PDE3B: variants seen among roughly 807,000 people sequenced by gnomAD.
The protein encoded by PDE3B is cGMP-inhibited 3',5'-cyclic phosphodiesterase 3B.
Under a neutral mutation model 116.8 loss-of-function variants are expected in PDE3B, and 66 were observed. The observed-to-expected ratio is 0.56, with a 90% CI of 0.46 to 0.69. The LOEUF (loss-of-function observed/expected upper bound fraction) is 0.69. PDE3B is among the 30% of genes least tolerant of loss of function. The pLI is 0.00. For missense variants in PDE3B, 1,384 were observed against 1,368.1 expected, an observed-to-expected ratio of 1.01 and a Z score of -0.18; for synonymous variants, 595 against 533.6, an observed-to-expected ratio of 1.12 and a Z score of -1.59.
chr11:14,644,570 C>A lies in PDE3B; in HGVS notation c.495C>A (p.Asp165Glu), dbSNP rs142935352. 10,190 of 1,591,448 alleles carry A rather than the reference C, an allele frequency of 6.4e-3. 58 individuals carry two copies. The highest frequency in any genetic ancestry group is 0.01 in the South Asian group (889 of 88,388). ...LALPACCYLG[D>E]FLVWQWWSWP... Reference sequence around the variant, plus strand: ...TGCCCGCCTGCTGTTACCTGGGGGACTTCTTGGTGTGGCAGTGGTGGTCTT... The same window carrying A: ...TGCCCGCCTGCTGTTACCTGGGGGAATTCTTGGTGTGGCAGTGGTGGTCTT... The change falls in exon 1 of 16, where the codon GAC becomes GAA. Residue 165 changes from aspartate (D) to glutamate (E), a missense_variant. Physicochemically the swap from Asp to Glu is conservative, Grantham distance 45. Around this residue, in one of 2 missense-constraint regions of PDE3B, gnomAD observed 956 missense variants for 806.8 expected, o/e 1.18. Coordinates refer to ENST00000282096, the MANE Select transcript of PDE3B (RefSeq NM_000922.4).
At chr11:14,700,904 G>C (rs1855341220) in intron 1 of PDE3B, 1 of 151,732 alleles carries the variant, frequency 6.6e-6, no homozygotes, top group Non-Finnish European at 1.5e-5. Flanking sequence ...ATTACTACTT[G>C]TATATTATCC....
intron 1 of PDE3B, among the ~76,000 whole-genome samples, chr11:14,711,954 T>G (rs1023563797): frequency 6.6e-6 from 1 of 152,224 alleles, no homozygotes; most frequent in Non-Finnish European, 1.5e-5. Flanking sequence ...GCACACTGAA[T>G]ACCTAAAGTA....
chr11:14,841,858 A>G lies in PDE3B; in HGVS notation c.2321-1969A>G, dbSNP rs561325909. 1.3e-4 allele frequency among the ~76,000 whole-genome samples: 19 copies of G among 150,274 alleles called. 2 individuals are homozygous for G. The South Asian group carries it at 3.8e-3, about 30-fold the overall frequency. ...GCTGTTTTGATTACTATCGCTTTGTAATAGATTTTGAAATCAGGTAGTCTG... is the reference window on the plus strand; with the variant it reads ...GCTGTTTTGATTACTATCGCTTTGTGATAGATTTTGAAATCAGGTAGTCTG... On this transcript the variant is annotated intron_variant, in intron 11 of 15. Transcript: ENST00000282096.
At chr11:14,734,280 C>G (rs983665608) in intron 1 of PDE3B, among the ~76,000 whole-genome samples, 2 of 152,140 alleles carry the variant, frequency 1.3e-5, no homozygotes, top group Admixed American at 6.5e-5. Flanking sequence ...ACTGTGTTTC[C>G]CAGGCTGGTC....
Position 14,867,623 on chromosome 11 carries a change from T to G in PDE3B, c.3004T>G (p.Ser1002Ala), listed in dbSNP as rs782528170. ...ITHIVGPLCN[S>A]YDAAGLLPGQ... ...CCACATAGTGGGTCCCCTGTGTAAC[T>G]CCTATGATGCTGCTGGTTTGCTACC... is the stretch of plus-strand genomic sequence containing the variant. Residue 1002 changes from serine to alanine, a missense_variant, in exon 15 of 16, where the codon TCC becomes GCC. By Grantham distance (99) the Ser-to-Ala change is moderately conservative. Transcript: ENST00000282096. 7 of 1,614,054 alleles carry G rather than the reference T, an allele frequency of 4.3e-6. No homozygotes were observed. The highest frequency in any genetic ancestry group is 3.3e-5 in the South Asian group (3 of 91,074).
At chr11:14,702,756 C>G (rs1386290357) in intron 1 of PDE3B, among the ~76,000 whole-genome samples, 1 of 151,904 alleles carries the variant, frequency 6.6e-6, no homozygotes, top group Non-Finnish European at 1.5e-5. Flanking sequence ...ATAGAACACT[C>G]CAATTCAGTC....
chr11:14,783,890 C>T (rs141688458), intron 2 of PDE3B, among the ~76,000 whole-genome samples: 13 of 152,266 alleles, frequency 8.5e-5, no homozygotes, highest in African/African-American at 2.6e-4. Context: ...CAACCAGTAC[C>T]GGTCTGTGGC....
chr11:14,663,675 G>A (rs954650969), intron 1 of PDE3B, among the ~76,000 whole-genome samples: 3 of 152,214 alleles, frequency 2.0e-5, no homozygotes, highest in Non-Finnish European at 2.9e-5. Flanking sequence ...GACAAAGAAG[G>A]CCATTACATA....
chr11:14,783,875 G>A (rs1022389037), intron 2 of PDE3B, among the ~76,000 whole-genome samples: 7 of 152,130 alleles, frequency 4.6e-5, no homozygotes, highest in African/African-American at 7.2e-5. Flanking sequence ...TAAACCAGGC[G>A]TCACCAACCA....
Position 14,861,258 on chromosome 11 carries a change from C to T in PDE3B, c.2778C>T (p.Leu926=), listed in dbSNP as rs1384905930. Residue 926 remains leucine, a synonymous_variant, in exon 14 of 16, where the codon CTC becomes CTT. Transcript: ENST00000282096. The part of the protein sequence containing the change: ...GIEWSNENDR[L]LVCQVCIKLA... ...AATGGAGTAATGAAAATGATCGCCTCTTGGTATGCCAGGTGTGCATCAAAC... is the reference window on the plus strand; with the variant it reads ...AATGGAGTAATGAAAATGATCGCCTTTTGGTATGCCAGGTGTGCATCAAAC... 6.2e-7 allele frequency: 1 copy of T among 1,613,344 alleles called. No individual in the cohort carries two copies. The highest frequency in any genetic ancestry group is 2.2e-5 in the East Asian group (1 of 44,874).
intron 4 of PDE3B, among the ~76,000 whole-genome samples, chr11:14,799,934 G>A (rs901472090): frequency 5.3e-5 from 8 of 151,950 alleles, no homozygotes; most frequent in East Asian, 1.9e-4. Context: ...GCCCATTTAC[G>A]TTTAAGGTTA....
At chr11:14,657,749 G>A (rs1160850552) in intron 1 of PDE3B, among the ~76,000 whole-genome samples, 1 of 152,158 alleles carries the variant, frequency 6.6e-6, no homozygotes, top group Non-Finnish European at 1.5e-5. Flanking sequence ...GGAGTTTAAT[G>A]TAAGATAAAA....
At chr11:14,731,363 A>G (rs1352766801) in intron 1 of PDE3B, among the ~76,000 whole-genome samples, 2 of 146,914 alleles carry the variant, frequency 1.4e-5, no homozygotes, top group Non-Finnish European at 3.0e-5. Context: ...AGTTCACGCC[A>G]TTCTCCTGCC....
Position 14,680,787 on chromosome 11 carries a change from A to T in PDE3B, c.978+35734A>T, listed in dbSNP as rs540486666. On this transcript the variant is annotated intron_variant, in intron 1 of 15. Coordinates refer to ENST00000282096, the MANE Select transcript of PDE3B (RefSeq NM_000922.4). ...TAAAAATAGAAATGACTTCAAAAAA[A>T]AAAAAGGAATGGACATTTTTTACTG... Among the ~76,000 whole-genome samples, 10 of 152,198 alleles carry T rather than the reference A, an allele frequency of 6.6e-5. No homozygotes were observed. The East Asian group carries it at 1.7e-3, about 26-fold the overall frequency.
At chr11:14,678,612 T>TG (rs2133790998) in intron 1 of PDE3B, among the ~76,000 whole-genome samples, 1 of 152,290 alleles carries the variant, frequency 6.6e-6, no homozygotes, top group Admixed American at 6.5e-5. Flanking sequence ...CTGTTTTTTA[T>TG]GGGTTTATTT....
intron 1 of PDE3B, among the ~76,000 whole-genome samples, chr11:14,648,232 TAGTG>T (rs1853467819): frequency 6.6e-6 from 1 of 152,080 alleles, no homozygotes; most frequent in African/African-American, 2.4e-5. Flanking sequence ...AGGCATAAGT[TAGTG>T]TGTGAGATAT....
At chr11:14,680,374 CTTTGGTGCTG>C (rs1854665858) in intron 1 of PDE3B, among the ~76,000 whole-genome samples, 1 of 152,082 alleles carries the variant, frequency 6.6e-6, no homozygotes, top group South Asian at 2.1e-4. Context: ...TGATGTTCTC[CTTTGGTGCTG>C]TTTGGCCCCA....
chr11:14,674,633 A>G (rs1056326625), intron 1 of PDE3B: 20 of 301,102 alleles, frequency 6.6e-5, no homozygotes, highest in Non-Finnish European at 9.8e-5. Context: ...TCAGCTAACA[A>G]TCTTCTAAAG....
intron 4 of PDE3B, among the ~76,000 whole-genome samples, chr11:14,795,847 GTGTT>G (rs1252501359): frequency 2.6e-5 from 4 of 151,968 alleles, no homozygotes; most frequent in African/African-American, 9.7e-5. Context: ...GCATGTCTAA[GTGTT>G]TGAAAGCTCA....
Sources: allele counts gnomAD v4.1 joint callset (sites outside exome capture counted in the v4.1 genomes callset), GRCh38; gene constraint gnomAD v4.1.1; regional missense constraint gnomAD v4.1.1; transcripts MANE v1.5; gene names NCBI Gene and HGNC (gene_info 2026-07-23, HGNC 2026-07-21).